Variants in CSMD1 observed in about 807,000 individuals in gnomAD.
CSMD1 encodes the protein CUB and Sushi multiple domains 1.
In CSMD1, 213 loss-of-function variants were observed where a neutral mutation model predicts 417.5. The observed-to-expected ratio is 0.51, with a 90% CI of 0.46 to 0.57. The LOEUF is 0.57. Ranked by LOEUF, CSMD1 falls within the 20% of genes least tolerant of loss-of-function variation. The pLI is 0.00. For missense variants in CSMD1, 6,923 were observed against 4,529.7 expected (o/e 1.53, Z -15.17); for synonymous variants, 2,862 against 1,736.8 (o/e 1.65, Z -16.11).
chr8:3,062,433 C>A (rs574413180), intron 49 of CSMD1, among the ~76,000 whole-genome samples: 2 of 152,096 alleles, frequency 1.3e-5, no homozygotes, highest in South Asian at 2.1e-4. Flanking sequence ...CAGAAATATT[C>A]TTCCGTTTGT....
intron 1 of CSMD1, among the ~76,000 whole-genome samples, chr8:4,935,347 G>A (rs993923465): frequency 6.6e-6 from 1 of 152,168 alleles, no homozygotes; most frequent in African/African-American, 2.4e-5. Context: ...TCTGGGTGGA[G>A]ACATCGCCCT....
At chr8:3,807,752 A>T (rs1800828278) in intron 5 of CSMD1, among the ~76,000 whole-genome samples, 1 of 152,118 alleles carries the variant, frequency 6.6e-6, no homozygotes, top group East Asian at 1.9e-4. Flanking sequence ...ATCTTTAGTC[A>T]TCTATTTTTA....
intron 25 of CSMD1, among the ~76,000 whole-genome samples, chr8:3,300,935 G>C (rs569563845): frequency 1.8e-5 from 2 of 112,500 alleles, no homozygotes; most frequent in Admixed American, 1.4e-4. Flanking sequence ...CTCCAGCCTG[G>C]ACAACAGAGT....
At chr8:4,058,970 C>G (rs909450151) in intron 3 of CSMD1, among the ~76,000 whole-genome samples, 66 of 152,052 alleles carry the variant, frequency 4.3e-4, no homozygotes, top group African/African-American at 1.6e-3. Flanking sequence ...ACTCTCCACC[C>G]CAAATCAACA....
intron 2 of CSMD1, among the ~76,000 whole-genome samples, chr8:4,540,158 G>C (rs1163844684): frequency 6.6e-6 from 1 of 152,182 alleles, no homozygotes; most frequent in Non-Finnish European, 1.5e-5. Context: ...TGTAAAGCAT[G>C]ATGGACTCAA....
intron 36 of CSMD1, among the ~76,000 whole-genome samples, chr8:3,181,640 G>T (rs930406341): frequency 6.6e-6 from 1 of 152,140 alleles, no homozygotes; most frequent in Non-Finnish European, 1.5e-5. Context: ...TTCAGAAGAC[G>T]TTGCTTTTGA....
intron 4 of CSMD1, among the ~76,000 whole-genome samples, chr8:4,009,770 G>C (rs1189473619): frequency 6.6e-6 from 1 of 151,978 alleles, no homozygotes; most frequent in African/African-American, 2.4e-5. Flanking sequence ...AGAATGAAAG[G>C]AACCCAGAGA....
intron 12 of CSMD1, among the ~76,000 whole-genome samples, chr8:3,424,822 T>G (rs1813719673): frequency 6.6e-6 from 1 of 152,194 alleles, no homozygotes; most frequent in African/African-American, 2.4e-5. Context: ...GGCATATTGT[T>G]ATCATCATTC....
chr8:3,057,702 T>A lies in CSMD1; in HGVS notation c.7475-5055A>T, dbSNP rs77718247. On this transcript the variant is annotated intron_variant, in intron 49 of 69. Coordinates refer to ENST00000635120, the MANE Select transcript of CSMD1 (RefSeq NM_033225.6). ...TCATTTTCCCCAAGTCTAATAGTCATTAAAAGGCTGAGGCCTCAAAACGGT... is the reference window on the plus strand; with the variant it reads ...TCATTTTCCCCAAGTCTAATAGTCAATAAAAGGCTGAGGCCTCAAAACGGT... 2.3e-3 allele frequency among the ~76,000 whole-genome samples: 343 copies of A among 152,276 alleles called. 1 individual carries two copies. Among genetic ancestry groups the A allele is most frequent in the Non-Finnish European group, 3.1e-3 (214 of 68,028 alleles).
At chr8:4,057,991 G>T (rs944055975) in intron 3 of CSMD1, among the ~76,000 whole-genome samples, 3 of 151,270 alleles carry the variant, frequency 2.0e-5, no homozygotes, top group African/African-American at 7.3e-5. Flanking sequence ...TTGTTCTTTT[G>T]CCTTAGGATT....
intron 1 of CSMD1, among the ~76,000 whole-genome samples, chr8:4,796,285 T>A (rs1797977509): frequency 6.6e-6 from 1 of 152,002 alleles, no homozygotes; most frequent in Non-Finnish European, 1.5e-5. Flanking sequence ...CCAGAGGATT[T>A]GGCAGAAGGC....
At chr8:3,682,523 A>G (rs916317331) in intron 7 of CSMD1, among the ~76,000 whole-genome samples, 28 of 152,198 alleles carry the variant, frequency 1.8e-4, no homozygotes, top group Admixed American at 6.5e-5. Context: ...AATGGCGATC[A>G]TTAAAAAGTC....
At chr8:4,337,116 G>A (rs1338652779) in intron 3 of CSMD1, among the ~76,000 whole-genome samples, 2 of 152,074 alleles carry the variant, frequency 1.3e-5, no homozygotes, top group Non-Finnish European at 2.9e-5. Flanking sequence ...ACAGGAGACC[G>A]AAGCATTTAA....
chr8:4,404,080 G>A (rs1250295739), intron 3 of CSMD1, among the ~76,000 whole-genome samples: 1 of 152,088 alleles, frequency 6.6e-6, no homozygotes. Flanking sequence ...CTTTTTACGT[G>A]CTTTTACTGC....
At chr8:3,351,889 A>G (rs1431232554) in intron 21 of CSMD1, among the ~76,000 whole-genome samples, 1 of 151,956 alleles carries the variant, frequency 6.6e-6, no homozygotes, top group Non-Finnish European at 1.5e-5. Flanking sequence ...ACATTTTTAA[A>G]AATTTAAATT....
Position 3,108,670 on chromosome 8 carries a change from G to C in CSMD1, c.6687C>G (p.Thr2229=), listed in dbSNP as rs764787539. The change falls in exon 44 of 70, where the codon ACC becomes ACG. Residue 2229 remains threonine, a synonymous_variant. Transcript: ENST00000635120. ...TGTGGAACTTGAGCAGGACTTGGTT[G>C]GTGGAGCTATACGCCGTTTCGAGGG... ...NTALETAYSS[T]NQVLLKFHSD... 1 of 1,613,752 alleles carries C rather than the reference G, an allele frequency of 6.2e-7. No individual in the cohort carries two copies. Among genetic ancestry groups the C allele is most frequent in the South Asian group, 1.1e-5 (1 of 90,992 alleles).
intron 5 of CSMD1, among the ~76,000 whole-genome samples, chr8:3,816,080 G>C (rs780274661): frequency 6.6e-6 from 1 of 152,154 alleles, no homozygotes; most frequent in Non-Finnish European, 1.5e-5. Flanking sequence ...TTGCCTTCCT[G>C]ACAAACCTGC....
At chr8:3,579,711 G>A (rs1800300663) in intron 9 of CSMD1, among the ~76,000 whole-genome samples, 1 of 152,114 alleles carries the variant, frequency 6.6e-6, no homozygotes, top group Admixed American at 6.5e-5. Flanking sequence ...TTAATTTTAA[G>A]CCACTCAGCT....
chr8:3,563,941 T>G (rs888067559), intron 10 of CSMD1, among the ~76,000 whole-genome samples: 2 of 152,164 alleles, frequency 1.3e-5, no homozygotes, highest in Admixed American at 6.6e-5. Context: ...CTATTTTTCA[T>G]GAATACTAAT....
Sources: gnomAD v4.1 joint callset for allele counts (sites outside exome capture counted in the v4.1 genomes callset) on GRCh38, gnomAD v4.1.1 for gene constraint, MANE v1.5 for transcripts, NCBI Gene and HGNC (gene_info 2026-07-23, HGNC 2026-07-21) for gene names.